KCNJ3: variants seen among roughly 807,000 people sequenced by gnomAD.
The protein encoded by KCNJ3 is G protein-activated inward rectifier potassium channel 1.
In KCNJ3, 4 loss-of-function variants were observed where a neutral mutation model predicts 39.2. The observed-to-expected ratio is 0.10, with a 90% confidence interval of 0.05 to 0.23. The LOEUF (loss-of-function observed/expected upper bound fraction) is 0.23. KCNJ3 is among the 10% of genes least tolerant of loss of function. The pLI, the probability that KCNJ3 is intolerant of heterozygous loss-of-function variation, is 1.00. For synonymous variants in KCNJ3, 230 were observed against 237.4 expected (o/e 0.97, Z 0.29); for missense variants, 276 against 634.9 (o/e 0.43, Z 6.08).
At chr2:154,754,534 C>G (rs924278885) in intron 2 of KCNJ3, among the ~76,000 whole-genome samples, 1 of 152,222 alleles carries the variant, frequency 6.6e-6, no homozygotes, top group African/African-American at 2.4e-5. Context: ...CTTGGCCTCC[C>G]AAAGTGTTGG....
intron 2 of KCNJ3, among the ~76,000 whole-genome samples, chr2:154,765,929 A>G (rs1377141407): frequency 1.3e-5 from 2 of 152,336 alleles, no homozygotes; most frequent in African/African-American, 2.4e-5. Context: ...AAACAAGGGT[A>G]GTGATATTTA....
chr2:154,736,374 TA>T (rs70983745), intron 2 of KCNJ3, among the ~76,000 whole-genome samples: 36 of 93,214 alleles, frequency 3.9e-4, no homozygotes, highest in Admixed American at 5.2e-4. Flanking sequence ...TCACTAGTTC[TA>T]AAAAAAAAAA....
intron 2 of KCNJ3, among the ~76,000 whole-genome samples, chr2:154,825,283 T>C (rs1481298345): frequency 1.3e-5 from 2 of 152,178 alleles, no homozygotes; most frequent in Non-Finnish European, 2.9e-5. Context: ...CAAAAGTGCC[T>C]GTGATGGAAT....
At chr2:154,780,964 C>G (rs1392693478) in intron 2 of KCNJ3, among the ~76,000 whole-genome samples, 2 of 152,102 alleles carry the variant, frequency 1.3e-5, no homozygotes, top group East Asian at 3.9e-4. Flanking sequence ...AATTAGCTGA[C>G]TATAAAAGAA....
chr2:154,763,619 G>A (rs1686082537), intron 2 of KCNJ3, among the ~76,000 whole-genome samples: 1 of 152,084 alleles, frequency 6.6e-6, no homozygotes, highest in Non-Finnish European at 1.5e-5. Context: ...TGCAGAAGAA[G>A]AATCACTTGC....
At chr2:154,711,193 T>A (rs904756051) in intron 2 of KCNJ3, among the ~76,000 whole-genome samples, 10 of 152,092 alleles carry the variant, frequency 6.6e-5, no homozygotes, top group African/African-American at 2.2e-4. Context: ...TAGTATTTTT[T>A]AAAATACCAT....
intron 2 of KCNJ3, among the ~76,000 whole-genome samples, chr2:154,847,610 T>C (rs1157322217): frequency 6.6e-6 from 1 of 152,052 alleles, no homozygotes; most frequent in Non-Finnish European, 1.5e-5. Flanking sequence ...TGTATGTGCC[T>C]GTGTAAATGA....
intron 2 of KCNJ3, among the ~76,000 whole-genome samples, chr2:154,838,877 G>C (rs1312229340): frequency 1.3e-5 from 2 of 151,948 alleles, no homozygotes; most frequent in Non-Finnish European, 2.9e-5. Context: ...TAGTGATAAT[G>C]TTTTCCAAAA....
At chr2:154,710,639 G>A (rs916112907) in intron 2 of KCNJ3, among the ~76,000 whole-genome samples, 4 of 152,098 alleles carry the variant, frequency 2.6e-5, no homozygotes, top group Non-Finnish European at 1.5e-5. Context: ...GTGTGTATGT[G>A]TATGTGTGTA....
At chr2:154,752,314 G>C (rs967859570) in intron 2 of KCNJ3, among the ~76,000 whole-genome samples, 11 of 151,830 alleles carry the variant, frequency 7.2e-5, no homozygotes, top group African/African-American at 2.7e-4. Flanking sequence ...AAATGTGATG[G>C]AAAAAAATCA....
chr2:154,752,373 A>C (rs1224607168), intron 2 of KCNJ3, among the ~76,000 whole-genome samples: 1 of 152,056 alleles, frequency 6.6e-6, no homozygotes, highest in Admixed American at 6.6e-5. Flanking sequence ...TACAAAATAC[A>C]GATGAATATA....
At chr2:154,812,455 C>T (rs1687021746) in intron 2 of KCNJ3, among the ~76,000 whole-genome samples, 1 of 152,178 alleles carries the variant, frequency 6.6e-6, no homozygotes, top group East Asian at 1.9e-4. Context: ...TTTAAAAAAT[C>T]TCTAGCTAAG....
intron 2 of KCNJ3, among the ~76,000 whole-genome samples, chr2:154,788,422 A>G (rs1686571356): frequency 6.6e-6 from 1 of 152,092 alleles, no homozygotes; most frequent in Admixed American, 6.6e-5. Context: ...GACTTTAATC[A>G]AGGTGCTATA....
chr2:154,851,235 C>T (rs374147657), intron 2 of KCNJ3, among the ~76,000 whole-genome samples: 3 of 151,604 alleles, frequency 2.0e-5, no homozygotes, highest in African/African-American at 7.3e-5. Flanking sequence ...GAACAAGAGC[C>T]CATCTGAAAA....
At chr2:154,786,356 C>A (rs1039957136) in intron 2 of KCNJ3, among the ~76,000 whole-genome samples, 1 of 152,090 alleles carries the variant, frequency 6.6e-6, no homozygotes, top group African/African-American at 2.4e-5. Context: ...ACATAGAAAG[C>A]CAAATATTTT....
chr2:154,856,902 C>A lies in KCNJ3; in HGVS notation c.*1589C>A, dbSNP rs1477913022. 1 of 151,836 alleles carries A rather than the reference C, an allele frequency of 6.6e-6. No individual in the cohort carries two copies. The highest frequency in any genetic ancestry group is 1.5e-5 in the Non-Finnish European group (1 of 67,972). 9.4% of individuals were successfully genotyped at this position (151,836 alleles called of 1,614,324 possible). The stretch of plus-strand genomic sequence containing the variant: ...TTAAGTATTGTAATTCCAGTCTGCC[C>A]CAACTTTAAAAAAAATTCTTATTAA... On this transcript the variant is annotated 3_prime_UTR_variant, in exon 3 of 3. Transcript: ENST00000295101.
intron 1 of KCNJ3, 27 bp from the exon 2 acceptor site, chr2:154,709,576 C>G: frequency 1.2e-6 from 2 of 1,602,390 alleles, no homozygotes; most frequent in Non-Finnish European, 1.7e-6. Context: ...GTGGTGATTT[C>G]TTCTCTTTTT....
At chr2:154,836,392 A>AT (rs1278243688) in intron 2 of KCNJ3, among the ~76,000 whole-genome samples, 1 of 151,910 alleles carries the variant, frequency 6.6e-6, no homozygotes, top group Non-Finnish European at 1.5e-5. Context: ...TTGTCTCAGC[A>AT]TTTTTATATC....
chr2:154,853,184 C>T (rs1687784804), intron 2 of KCNJ3, among the ~76,000 whole-genome samples: 1 of 149,814 alleles, frequency 6.7e-6, no homozygotes, highest in Non-Finnish European at 1.5e-5. Flanking sequence ...GAGCACCTAA[C>T]ACAGTGCTAG....
Sources: gnomAD v4.1 joint callset for allele counts (sites outside exome capture counted in the v4.1 genomes callset) on GRCh38, gnomAD v4.1.1 for gene constraint, MANE v1.5 for transcripts, NCBI Gene and HGNC (gene_info 2026-07-23, HGNC 2026-07-21) for gene names.